Variants in APAF1 observed in about 807,000 individuals in gnomAD.
APAF1 encodes apoptotic protease-activating factor 1.
APAF1 carries 91 observed loss-of-function variants against 152.4 expected under a neutral mutation model. That is an observed-to-expected ratio of 0.60 (90% CI 0.50 to 0.71). APAF1 has a LOEUF of 0.71. Among genes scored for constraint, APAF1 ranks in the 30% least tolerant of loss-of-function variants. APAF1 has a pLI of 0.00. For missense variants in APAF1, 1,283 were observed against 1,472.0 expected, an observed-to-expected ratio of 0.87 and a Z score of 2.10; for synonymous variants, 484 against 494.1, an observed-to-expected ratio of 0.98 and a Z score of 0.27.
rs751223111 is a variant in APAF1, at chr12:98,723,156, G to A, written c.3085-37G>A. ...CACCCCTCCAATGAGATAGGATCGG[G>A]GGAGGATTATAACAGACTTATTTCT... On this transcript the variant is annotated intron_variant, in intron 22 of 26. Coordinates refer to ENST00000551964, the MANE Select transcript of APAF1 (RefSeq NM_181861.2). 6 of 1,605,678 alleles carry A rather than the reference G, an allele frequency of 3.7e-6. 1 individual carries two copies. Among genetic ancestry groups the A allele is most frequent in the Non-Finnish European group, 2.6e-6 (3 of 1,173,884 alleles).
chr12:98,700,733 C>T (rs934458809), intron 17 of APAF1, among the ~76,000 whole-genome samples: 1 of 152,188 alleles, frequency 6.6e-6, no homozygotes, highest in Non-Finnish European at 1.5e-5. Flanking sequence ...TTTCATCACC[C>T]TAAACAGAAA....
At chr12:98,712,552 G>C in intron 21 of APAF1, 117 bp downstream of exon 21, 1 of 708,738 alleles carries the variant, frequency 1.4e-6, no homozygotes, top group East Asian at 2.7e-5. Context: ...GGGTCTTGCT[G>C]TGTCACCCAC....
intron 12 of APAF1, among the ~76,000 whole-genome samples, chr12:98,673,005 G>A (rs569678616): frequency 2.0e-5 from 3 of 151,758 alleles, no homozygotes; most frequent in South Asian, 2.1e-4. Flanking sequence ...TGATCCACCC[G>A]CCTCAGCCTC....
intron 15 of APAF1, among the ~76,000 whole-genome samples, chr12:98,684,679 A>G (rs1042504889): frequency 6.6e-6 from 1 of 151,982 alleles, no homozygotes; most frequent in Non-Finnish European, 1.5e-5. Context: ...AAATTATATC[A>G]CAGTTATGGT....
chr12:98,713,173 G>A (rs186790076), intron 21 of APAF1, among the ~76,000 whole-genome samples: 20 of 152,214 alleles, frequency 1.3e-4, no homozygotes, highest in African/African-American at 3.4e-4. Context: ...GTCATTGTTC[G>A]TTAAACTAAC....
At chr12:98,712,683 ATTT>A in intron 21 of APAF1, 1 of 348,808 alleles carries the variant, frequency 2.9e-6, no homozygotes, top group African/African-American at 2.2e-5. Flanking sequence ...TGCCCGACTA[ATTT>A]TTTTTTTTTG....
chr12:98,680,502 C>T, intron 14 of APAF1, 100 bp downstream of exon 14: 1 of 1,138,914 alleles, frequency 8.8e-7, no homozygotes, highest in Non-Finnish European at 1.3e-6. Flanking sequence ...GGACTCTCAC[C>T]TGTTGATCTA....
intron 17 of APAF1, among the ~76,000 whole-genome samples, chr12:98,700,314 C>T (rs576083748): frequency 2.0e-5 from 3 of 152,278 alleles, no homozygotes; most frequent in Middle Eastern, 6.8e-3. Flanking sequence ...ATTTATGGCT[C>T]ACTTACATTC....
chr12:98,648,743 C>G lies in APAF1; in HGVS notation c.256C>G (p.Leu86Val). ...TGAAGGATATAAAGATCTTGCTGCC[C>G]TTCTCCATGATGGCATTCCTGTTGT... ...LHEGYKDLAA[L>V]LHDGIPVVSS... is the part of the protein sequence containing the mutation. Residue 86 changes from leucine (L) to valine (V), a missense_variant, in exon 3 of 27, where the codon CTT becomes GTT. Physicochemically the swap from Leu to Val is conservative, Grantham distance 32. Coordinates refer to ENST00000551964, the MANE Select transcript of APAF1 (RefSeq NM_181861.2). The G allele has an allele frequency of 6.2e-7, 1 of 1,613,962 alleles. No individual in the cohort carries two copies. Among genetic ancestry groups the G allele is most frequent in the South Asian group, 1.1e-5 (1 of 91,072 alleles).
intron 19 of APAF1, 110 bp downstream of exon 19, chr12:98,706,720 T>A: frequency 8.1e-7 from 1 of 1,240,822 alleles, no homozygotes; most frequent in Non-Finnish European, 1.2e-6. Flanking sequence ...AGGAAACTAG[T>A]ACTATATTCC....
At chr12:98,656,821 GCT>G (rs2097658320) in intron 4 of APAF1, among the ~76,000 whole-genome samples, 1 of 152,150 alleles carries the variant, frequency 6.6e-6, no homozygotes, top group Non-Finnish European at 1.5e-5. Context: ...CGTTGTTCTT[GCT>G]CTCTGTTGTC....
At chr12:98,676,162 C>G (rs2097686274) in intron 12 of APAF1, among the ~76,000 whole-genome samples, 1 of 152,122 alleles carries the variant, frequency 6.6e-6, no homozygotes, top group Admixed American at 6.6e-5. Context: ...TCTGTCACTG[C>G]ACTAATAGTT....
rs1394117838 is a variant in APAF1 at position 98,666,314 on chromosome 12, T to C, written c.1319T>C (p.Leu440Pro). 4 of 1,613,528 alleles carry C rather than the reference T, an allele frequency of 2.5e-6. No individual in the cohort carries two copies. The highest frequency in any genetic ancestry group is 3.4e-6 in the Non-Finnish European group (4 of 1,179,902). The stretch of plus-strand genomic sequence containing the variant: ...TCGTTTCGTTATTATTTACATGATC[T>C]TCAAGTAGATTTTCTTACAGAGAAG... Reference protein sequence around the residue: ...GKSFRYYLHDLQVDFLTEKNC... With the variant: ...GKSFRYYLHDPQVDFLTEKNC... Residue 440 changes from leucine (L) to proline (P), a missense_variant, in exon 9 of 27, where the codon CTT becomes CCT. Physicochemically the swap from Leu to Pro is moderately conservative, Grantham distance 98. Transcript: ENST00000551964.
Position 98,680,362 on chromosome 12 carries a change from A to T in APAF1, c.2006A>T (p.Asp669Val), listed in dbSNP as rs756655231. The T allele has an allele frequency of 6.2e-6, 10 of 1,613,742 alleles. No homozygotes were observed. Among genetic ancestry groups the T allele is most frequent in the South Asian group, 3.3e-5 (3 of 91,062 alleles). Residue 669 changes from aspartate (D) to valine (V), a missense_variant, in exon 14 of 27, where the codon GAC (aspartate) becomes GTC (valine). By Grantham distance (152) the Asp-to-Val change is radical. Transcript: ENST00000551964. ...EVLCCAFSTD[D>V]RFIATCSVDK... ...CTTTGTTGTGCATTCTCTACAGATG[A>T]CAGATTTATAGCAACCTGCTCAGTG...
At chr12:98,684,554 C>T (rs769991981) in intron 15 of APAF1, among the ~76,000 whole-genome samples, 8 of 148,622 alleles carry the variant, frequency 5.4e-5, no homozygotes, top group East Asian at 2.0e-4. Context: ...CTAACCTCTC[C>T]GCACCACATA....
chr12:98,660,243 G>T (rs187886733), intron 5 of APAF1, among the ~76,000 whole-genome samples: 14 of 152,216 alleles, frequency 9.2e-5, no homozygotes, highest in African/African-American at 3.1e-4. Flanking sequence ...CTACTCAGGA[G>T]GCTAAGGTGG....
chr12:98,656,147 C>A (rs115984314), intron 4 of APAF1, among the ~76,000 whole-genome samples: 5 of 151,942 alleles, frequency 3.3e-5, no homozygotes, highest in Non-Finnish European at 7.4e-5. Flanking sequence ...AGGCTGGTCT[C>A]GAAATTCTGG....
chr12:98,658,403 C>T (rs139293553), intron 4 of APAF1, among the ~76,000 whole-genome samples: 5 of 152,264 alleles, frequency 3.3e-5, no homozygotes, highest in Admixed American at 6.5e-5. Context: ...CACTAATAAC[C>T]TGTTTTAATC....
In APAF1 at chr12:98,659,321, C is replaced by CTGA. The variant is rs1362547269; in HGVS notation, c.691_693dup (p.Met231dup). The CTGA allele has an allele frequency of 6.2e-7, 1 of 1,614,206 alleles. No homozygotes were observed. Among genetic ancestry groups the CTGA allele is most frequent in the Admixed American group, 1.7e-5 (1 of 60,028 alleles). On this transcript the variant is annotated inframe_insertion, in exon 5 of 27. Transcript: ENST00000551964. ...AGAGGCTAAAGACCGTCTCCGCATT[C>CTGA]TGATGCTTCGCAAACACCCAAGGTA...
Sources: gnomAD v4.1 joint callset for allele counts (sites outside exome capture counted in the v4.1 genomes callset) on GRCh38, gnomAD v4.1.1 for gene constraint, MANE v1.5 for transcripts, NCBI Gene and HGNC (gene_info 2026-07-23, HGNC 2026-07-21) for gene names.